The following DDX46 variants were observed in gnomAD, a reference collection of about 807,000 sequenced individuals.
DDX46 encodes the protein probable ATP-dependent RNA helicase DDX46.
DDX46 carries 30 observed loss-of-function variants against 134.9 expected under a neutral mutation model. The observed-to-expected ratio is 0.22, with a 90% confidence interval of 0.17 to 0.30. The LOEUF (loss-of-function observed/expected upper bound fraction) is 0.30. Ranked by LOEUF, DDX46 falls within the 10% of genes least tolerant of loss-of-function variation. The pLI is 1.00. For missense variants in DDX46, 622 were observed against 1,248.7 expected (o/e 0.50, Z 7.56); for synonymous variants, 415 against 404.1 (o/e 1.03, Z -0.32).
In DDX46 at chr5:134,758,838, C is replaced by G. The variant is rs1206026925; in HGVS notation, c.-101C>G. On this transcript the variant is annotated 5_prime_UTR_variant, in exon 1 of 23. Coordinates refer to ENST00000452510, the MANE Select transcript of DDX46 (RefSeq NM_001300860.2). ...AGCTGTAGGTGCTGCTAGTGTTTAG[C>G]GCTGGTCTTTGCCGGGCGTTGAGGG... 1.3e-6 allele frequency: 2 copies of G among 1,571,476 alleles called. No homozygotes were observed. The highest frequency in any genetic ancestry group is 4.5e-5 in the East Asian group (2 of 44,610).
At chr5:134,782,798 C>A in intron 8 of DDX46, 147 bp from the exon 9 acceptor site, 1 of 963,140 alleles carries the variant, frequency 1.0e-6, no homozygotes, top group Non-Finnish European at 1.4e-6. Context: ...GCGTCTGTCT[C>A]CCAAAGTGCT....
At chr5:134,803,736 G>A (rs559031922) in intron 15 of DDX46, among the ~76,000 whole-genome samples, 1 of 152,090 alleles carries the variant, frequency 6.6e-6, no homozygotes, top group East Asian at 1.9e-4. Context: ...CCTGCCGGAG[G>A]GATTGGTCCA....
chr5:134,764,504 A>G (rs1326839005), intron 2 of DDX46, among the ~76,000 whole-genome samples: 1 of 151,928 alleles, frequency 6.6e-6, no homozygotes, highest in Non-Finnish European at 1.5e-5. Flanking sequence ...GCTGCTCTCG[A>G]TCTCCTGGCC....
At chr5:134,772,414 C>T (rs530788795) in intron 4 of DDX46, among the ~76,000 whole-genome samples, 97 of 151,462 alleles carry the variant, frequency 6.4e-4, no homozygotes, top group Admixed American at 1.3e-3. Flanking sequence ...CCCAGCTACT[C>T]GGGAGGCTGA....
intron 4 of DDX46, 33 bp downstream of exon 4, chr5:134,771,032 C>T (rs772377218): frequency 8.8e-6 from 8 of 908,260 alleles, no homozygotes; most frequent in Non-Finnish European, 1.2e-5. Flanking sequence ...AATTTTCTTT[C>T]TTTCTTTTTG....
chr5:134,794,771 C>A (rs1409755976), intron 13 of DDX46, 79 bp from the exon 14 acceptor site: 1 of 1,538,116 alleles, frequency 6.5e-7, no homozygotes, highest in Non-Finnish European at 8.8e-7. Context: ...TCAAAAGTTC[C>A]TTTTACTTGG....
At chr5:134,787,997 G>T (rs1378726949) in intron 11 of DDX46, among the ~76,000 whole-genome samples, 1 of 145,342 alleles carries the variant, frequency 6.9e-6, no homozygotes, top group Non-Finnish European at 1.5e-5. Flanking sequence ...GGGCAACAGA[G>T]CCTGGGCAAC....
chr5:134,819,776 C>T (rs939934974), intron 21 of DDX46, among the ~76,000 whole-genome samples: 12 of 152,008 alleles, frequency 7.9e-5, no homozygotes, highest in Admixed American at 3.3e-4. Context: ...TCAAGGGACC[C>T]GCCCCCACTC....
rs1755697121 is a variant in DDX46 at position 134,830,167 on chromosome 5, T to TAAAAAAAA, written c.*1462_*1463insAAAAAAAA. ...GATTAAACCAACCACAGATCAAAAA[T>TAAAAAAAA]AGAAAAAAAAAAAAAAAGAAAAAAA... On this transcript the variant is annotated 3_prime_UTR_variant, in exon 23 of 23. Transcript: ENST00000452510. 1 of 49,594 alleles carries TAAAAAAAA rather than the reference T, an allele frequency of 2.0e-5. No homozygotes were observed. The highest frequency in any genetic ancestry group is 4.3e-5 in the Non-Finnish European group (1 of 23,430). The allele number at this position is 49,594 out of a possible 1,614,324, so 3.1% of individuals were successfully genotyped here. A position where few individuals can be genotyped will look rare whatever the true frequency, so the allele number is the denominator to read the frequency against.
intron 21 of DDX46, among the ~76,000 whole-genome samples, chr5:134,820,082 T>C (rs1755400104): frequency 1.3e-5 from 2 of 151,908 alleles, no homozygotes; most frequent in Non-Finnish European, 2.9e-5. Context: ...CCACCATGCC[T>C]GGCTCATTTT....
chr5:134,824,420 G>A (rs867061627), intron 21 of DDX46, among the ~76,000 whole-genome samples: 2 of 152,046 alleles, frequency 1.3e-5, no homozygotes, highest in East Asian at 1.9e-4. Flanking sequence ...GTGAAACCCC[G>A]TCTCTACTAA....
At chr5:134,787,207 A>G (rs1424136114) in intron 11 of DDX46, among the ~76,000 whole-genome samples, 2 of 152,160 alleles carry the variant, frequency 1.3e-5, no homozygotes, top group Non-Finnish European at 2.9e-5. Flanking sequence ...CGAAAGGTAT[A>G]GACGTGAGCC....
intron 6 of DDX46, among the ~76,000 whole-genome samples, chr5:134,778,193 A>G (rs570448089): frequency 6.6e-6 from 1 of 151,652 alleles, no homozygotes; most frequent in African/African-American, 2.4e-5. Context: ...TAATTTTTGT[A>G]TTTTGGTAGA....
At chr5:134,795,948 A>G (rs766341422) in intron 14 of DDX46, 40 bp from the exon 15 acceptor site, 2 of 1,584,834 alleles carry the variant, frequency 1.3e-6, no homozygotes, top group Non-Finnish European at 1.7e-6. Flanking sequence ...ATCCATTTGC[A>G]TTTTCACTTC....
At chr5:134,766,209 C>T (rs1439979118) in intron 2 of DDX46, among the ~76,000 whole-genome samples, 1 of 152,176 alleles carries the variant, frequency 6.6e-6, no homozygotes, top group East Asian at 1.9e-4. Context: ...CATCGATTTT[C>T]AATCGATGTT....
chr5:134,765,676 G>T (rs1753545864), intron 2 of DDX46, among the ~76,000 whole-genome samples: 1 of 152,170 alleles, frequency 6.6e-6, no homozygotes, highest in South Asian at 2.1e-4. Context: ...GGGACTACAG[G>T]TATGAGATAC....
chr5:134,767,812 T>C (rs1753623670), intron 3 of DDX46, among the ~76,000 whole-genome samples: 1 of 151,378 alleles, frequency 6.6e-6, no homozygotes, highest in Admixed American at 6.6e-5. Context: ...TAGCTGGGCG[T>C]GGTGGCGTAT....
intron 13 of DDX46, among the ~76,000 whole-genome samples, chr5:134,791,427 G>C (rs1343406240): frequency 6.6e-6 from 1 of 152,154 alleles, no homozygotes; most frequent in Non-Finnish European, 1.5e-5. Flanking sequence ...CGGGCTTGGT[G>C]GCAGGCGCCT....
intron 4 of DDX46, among the ~76,000 whole-genome samples, chr5:134,771,234 A>G (rs1168894336): frequency 1.3e-5 from 2 of 151,738 alleles, no homozygotes; most frequent in Non-Finnish European, 1.5e-5. Context: ...AGTTGGGACT[A>G]TAGGCATGCG....
Sources: allele counts gnomAD v4.1 joint callset (sites outside exome capture counted in the v4.1 genomes callset), GRCh38; gene constraint gnomAD v4.1.1; transcripts MANE v1.5; gene names NCBI Gene and HGNC (gene_info 2026-07-23, HGNC 2026-07-21).